RAB5C: variants seen among roughly 807,000 people sequenced by gnomAD.
RAB5C encodes the protein RAB5C, member RAS oncogene family, also known as ras-related protein Rab-5C.
In RAB5C, 4 loss-of-function variants were observed where a neutral mutation model predicts 25.2. That is an observed-to-expected ratio of 0.16 (90% confidence interval 0.08 to 0.36). The LOEUF (loss-of-function observed/expected upper bound fraction) is 0.36, where lower values mean the gene tolerates loss of function less well. Among genes scored for constraint, RAB5C ranks in the 10% least tolerant of loss-of-function variants. The probability of loss-of-function intolerance (pLI) is 1.00; values close to 1 mark genes in which losing one functional copy is unlikely to be tolerated. For synonymous variants in RAB5C, 100 were observed against 106.4 expected, an observed-to-expected ratio of 0.94 and a Z score of 0.37; for missense variants, 199 against 283.8, an observed-to-expected ratio of 0.70 and a Z score of 2.15.
chr17:42,130,904 G>A (rs955477760), intron 1 of RAB5C, among the ~76,000 whole-genome samples: 2 of 152,020 alleles, frequency 1.3e-5, no homozygotes, highest in Admixed American at 6.6e-5. Context: ...ACACACAGGC[G>A]ATGAATGAAT....
chr17:42,153,374 G>A (rs1254336411), intron 1 of RAB5C, among the ~76,000 whole-genome samples: 3 of 152,032 alleles, frequency 2.0e-5, no homozygotes, highest in African/African-American at 4.8e-5. Context: ...CCAAGATCAC[G>A]CCACTGCACT....
chr17:42,125,906 G>A lies in RAB5C; in HGVS notation c.536-8C>T, dbSNP rs368567600. 52 of 1,598,064 alleles carry A rather than the reference G, an allele frequency of 3.3e-5. No homozygotes were observed. The highest frequency in any genetic ancestry group is 4.0e-5 in the Non-Finnish European group (47 of 1,170,872). ...TCTTGGGAAGCTTCTTAGCTGTTTG[G>A]GAGGGGGAAAAGTGCATTTGTTGGG... On this transcript the variant is annotated splice_polypyrimidine_tract_variant and splice_region_variant and intron_variant, in intron 5 of 5. Coordinates refer to ENST00000346213, the MANE Select transcript of RAB5C (RefSeq NM_004583.4).
At chr17:42,151,240 T>C (rs1229749368) in intron 1 of RAB5C, among the ~76,000 whole-genome samples, 1 of 152,026 alleles carries the variant, frequency 6.6e-6, no homozygotes, top group East Asian at 1.9e-4. Flanking sequence ...ATCGAGACCA[T>C]CCTGGCTAAC....
At chr17:42,128,416 A>G in intron 3 of RAB5C, 33 bp from the exon 4 acceptor site, 1 of 1,599,592 alleles carries the variant, frequency 6.3e-7, no homozygotes, top group South Asian at 1.1e-5. Context: ...TCGAAGGGAC[A>G]GAGAAGGCAT....
At chr17:42,131,322 C>T (rs1361718040) in intron 1 of RAB5C, among the ~76,000 whole-genome samples, 3 of 152,004 alleles carry the variant, frequency 2.0e-5, no homozygotes, top group African/African-American at 4.8e-5. Flanking sequence ...GCCAAAGTCT[C>T]GCACCCATTA....
At chr17:42,126,965 G>C (rs1259512955) in intron 4 of RAB5C, 117 bp from the exon 5 acceptor site, 1 of 602,156 alleles carries the variant, frequency 1.7e-6, no homozygotes, top group Non-Finnish European at 3.0e-6. Context: ...AGATCAGCTG[G>C]ACACACACAG....
At chr17:42,147,092 G>A (rs1458673864) in intron 1 of RAB5C, among the ~76,000 whole-genome samples, 1 of 149,398 alleles carries the variant, frequency 6.7e-6, no homozygotes, top group African/African-American at 2.5e-5. Flanking sequence ...AAGAAAGAAA[G>A]AAAGAAGGAA....
At chr17:42,136,579 G>T (rs895525709) in intron 1 of RAB5C, 1 of 152,170 alleles carries the variant, frequency 6.6e-6, no homozygotes, top group Admixed American at 6.5e-5. Flanking sequence ...CTAAAAATTG[G>T]TATTCTTTAA....
In RAB5C at chr17:42,137,227, A is replaced by G. The variant is rs542018306; in HGVS notation, c.-88-6637T>C. ...AGGCTGAGGCAGGAGAATCACTTGA[A>G]CCCAGGAGACAGAGGTTGTGGTGAG... On this transcript the variant is annotated intron_variant, in intron 1 of 5. Coordinates refer to ENST00000346213, the MANE Select transcript of RAB5C (RefSeq NM_004583.4). 2.0e-3 allele frequency among the ~76,000 whole-genome samples: 298 copies of G among 151,628 alleles called. 1 individual carries two copies. Among genetic ancestry groups the G allele is most frequent in the Non-Finnish European group, 3.6e-3 (243 of 67,880 alleles).
intron 2 of RAB5C, 72 bp downstream of exon 2, chr17:42,130,265 C>T: frequency 2.6e-6 from 4 of 1,526,860 alleles, no homozygotes; most frequent in East Asian, 2.3e-5. Flanking sequence ...AGGCAGCTTC[C>T]CATCTCCTCA....
intron 1 of RAB5C, among the ~76,000 whole-genome samples, chr17:42,147,827 T>C (rs2079646629): frequency 6.6e-6 from 1 of 152,132 alleles, no homozygotes; most frequent in Non-Finnish European, 1.5e-5. Context: ...CCAGGCATGG[T>C]GGCTTACACC....
chr17:42,131,469 C>T lies in RAB5C; in HGVS notation c.-88-879G>A, dbSNP rs1598246184. On this transcript the variant is annotated intron_variant, in intron 1 of 5. Transcript: ENST00000346213. Reference sequence around the variant, plus strand: ...ACACACACACAAAAACACATGCCAACACACACACAGAAATACACACCAAAA... The same window carrying T: ...ACACACACACAAAAACACATGCCAATACACACACAGAAATACACACCAAAA... 8 of 763,236 alleles carry T rather than the reference C, an allele frequency of 1.0e-5. No homozygotes were observed. The East Asian group carries it at 2.0e-4, about 19-fold the overall frequency. The allele number at this position is 763,236 out of a possible 1,614,324, so 47.3% of individuals were successfully genotyped here.
At chr17:42,135,151 T>G (rs1300343397) in intron 1 of RAB5C, among the ~76,000 whole-genome samples, 2 of 151,782 alleles carry the variant, frequency 1.3e-5, no homozygotes, top group African/African-American at 4.8e-5. Context: ...CCGGCTAAAT[T>G]TTTGTGTATT....
intron 1 of RAB5C, among the ~76,000 whole-genome samples, chr17:42,139,379 C>G (rs1019195191): frequency 2.0e-5 from 3 of 152,248 alleles, no homozygotes; most frequent in Non-Finnish European, 4.4e-5. Flanking sequence ...ACCAGGGGGG[C>G]CAGGCCCTAA....
At chr17:42,126,353 C>CT (rs1379083738) in intron 5 of RAB5C, among the ~76,000 whole-genome samples, 1 of 152,048 alleles carries the variant, frequency 6.6e-6, no homozygotes, top group African/African-American at 2.4e-5. Flanking sequence ...GTGAAGGGGG[C>CT]TGGGCGCAGT....
At chr17:42,129,450 G>A (rs1389101261) in intron 2 of RAB5C, among the ~76,000 whole-genome samples, 1 of 152,320 alleles carries the variant, frequency 6.6e-6, no homozygotes, top group South Asian at 2.1e-4. Flanking sequence ...ACTAAGAGGT[G>A]ACTCCTTAGG....
At chr17:42,129,045 T>G (rs739636) in intron 2 of RAB5C, among the ~76,000 whole-genome samples, 58,585 of 151,834 alleles carry the variant, frequency 0.39, 15,800 homozygotes, top group African/African-American at 0.77. Context: ...GAGAAGGGAC[T>G]CCTGCATGCA....
chr17:42,143,621 A>C (rs1330726649), intron 1 of RAB5C, among the ~76,000 whole-genome samples: 2,118 of 152,246 alleles, frequency 0.014, 28 homozygotes, highest in African/African-American at 0.042. Context: ...TGGGGGACAG[A>C]GTGAGTCTGT....
At chr17:42,126,942 CT>C in intron 4 of RAB5C, 94 bp from the exon 5 acceptor site, 1 of 770,144 alleles carries the variant, frequency 1.3e-6, no homozygotes, top group Non-Finnish European at 2.2e-6. Flanking sequence ...ATTCGAGCAC[CT>C]TATCATAATA....
Sources: gnomAD v4.1 joint callset for allele counts (sites outside exome capture counted in the v4.1 genomes callset) on GRCh38, gnomAD v4.1.1 for gene constraint, MANE v1.5 for transcripts, NCBI Gene and HGNC (gene_info 2026-07-23, HGNC 2026-07-21) for gene names.